NBAS: variants seen among roughly 807,000 people sequenced by gnomAD.
NBAS encodes the protein NAG/BC035112 fusion.
In NBAS, 219 loss-of-function variants were observed where a neutral mutation model predicts 302.5. That is an observed-to-expected ratio of 0.72 (90% CI 0.65 to 0.81). The LOEUF is 0.81. Ranked by LOEUF, NBAS falls within the 30% of genes least tolerant of loss-of-function variation. NBAS has a pLI of 0.00. For synonymous variants in NBAS, 1,118 were observed against 1,021.6 expected, an observed-to-expected ratio of 1.09 and a Z score of -1.80; for missense variants, 2,932 against 2,841.6, an observed-to-expected ratio of 1.03 and a Z score of -0.72.
At chr2:14,872,980 A>C in the NBAS span, among the ~76,000 whole-genome samples, 1 of 152,198 alleles carries the variant, frequency 6.6e-6, no homozygotes, top group South Asian at 2.1e-4. Context: ...AGACCCAGTG[A>C]GCAGCAGTAA....
At chr2:15,303,461 G>A (rs1472092687) in intron 40 of NBAS, among the ~76,000 whole-genome samples, 1 of 152,180 alleles carries the variant, frequency 6.6e-6, no homozygotes, top group African/African-American at 2.4e-5. Context: ...AGAACTGTAG[G>A]AACACAGAAG....
At chr2:14,900,623 A>G in the NBAS span, among the ~76,000 whole-genome samples, 1 of 152,206 alleles carries the variant, frequency 6.6e-6, no homozygotes, top group African/African-American at 2.4e-5. Flanking sequence ...TAACAACTCC[A>G]TTATGCCCAG....
chr2:15,263,874 G>A (rs936874193), intron 44 of NBAS, among the ~76,000 whole-genome samples: 9 of 152,158 alleles, frequency 5.9e-5, no homozygotes, highest in African/African-American at 1.2e-4. Context: ...GACATCCTGC[G>A]ATAGCTGCAA....
At chr2:15,427,619 A>C (rs1266046832) in intron 22 of NBAS, 92 bp downstream of exon 22, 2 of 1,042,732 alleles carry the variant, frequency 1.9e-6, no homozygotes, top group Non-Finnish European at 2.9e-6. Context: ...GTCATCAAGT[A>C]AGGTTTCATT....
the NBAS span, among the ~76,000 whole-genome samples, chr2:15,007,262 C>T: frequency 4.6e-5 from 7 of 152,294 alleles, no homozygotes; most frequent in South Asian, 1.2e-3. Context: ...CTTTTTTTCC[C>T]ACATAATGGG....
the NBAS span, among the ~76,000 whole-genome samples, chr2:15,147,620 A>G: frequency 6.6e-6 from 1 of 152,048 alleles, no homozygotes; most frequent in African/African-American, 2.4e-5. Flanking sequence ...AAAAATTAAA[A>G]AAAGAGATGT....
chr2:15,428,606 C>T (rs1319645682), intron 21 of NBAS, among the ~76,000 whole-genome samples: 2 of 151,952 alleles, frequency 1.3e-5, no homozygotes, highest in South Asian at 2.1e-4. Flanking sequence ...GGTGGCATGC[C>T]TGTCATCCCA....
At chr2:15,440,911 G>A (rs1678358522) in intron 21 of NBAS, among the ~76,000 whole-genome samples, 1 of 151,920 alleles carries the variant, frequency 6.6e-6, no homozygotes, top group Non-Finnish European at 1.5e-5. Flanking sequence ...TATCAGCGAT[G>A]GAAGATGAAA....
chr2:15,405,416 A>T (rs1037009251), intron 25 of NBAS, among the ~76,000 whole-genome samples: 7 of 152,174 alleles, frequency 4.6e-5, no homozygotes, highest in Non-Finnish European at 1.0e-4. Context: ...TAAGATGCCT[A>T]ACTTCATATA....
chr2:14,969,572 T>A, the NBAS span, among the ~76,000 whole-genome samples: 1 of 152,136 alleles, frequency 6.6e-6, no homozygotes, highest in Admixed American at 6.5e-5. Context: ...AGACGGGGTT[T>A]CACCATGTTG....
At chr2:14,904,284 C>T in the NBAS span, among the ~76,000 whole-genome samples, 2 of 152,202 alleles carry the variant, frequency 1.3e-5, no homozygotes, top group South Asian at 2.1e-4. Context: ...CCAGTAATGG[C>T]TCAGTCTGAG....
chr2:14,979,763 T>G, the NBAS span, among the ~76,000 whole-genome samples: 8 of 152,092 alleles, frequency 5.3e-5, no homozygotes, highest in Non-Finnish European at 1.2e-4. Context: ...TTACAATAAA[T>G]ACAGATAGGG....
the NBAS span, among the ~76,000 whole-genome samples, chr2:15,124,303 G>A: frequency 6.6e-6 from 1 of 152,180 alleles, no homozygotes; most frequent in Non-Finnish European, 1.5e-5. Context: ...TGTCCTAAGT[G>A]TTCAAGAAGT....
chr2:15,512,543 G>A (rs1312781089), intron 9 of NBAS, among the ~76,000 whole-genome samples: 1 of 152,162 alleles, frequency 6.6e-6, no homozygotes, highest in African/African-American at 2.4e-5. Context: ...TTGAACTTAG[G>A]GAGAGTATCC....
the NBAS span, among the ~76,000 whole-genome samples, chr2:14,791,020 TG>T: frequency 6.6e-6 from 1 of 152,110 alleles, no homozygotes; most frequent in Non-Finnish European, 1.5e-5. Context: ...TACGCCCAGC[TG>T]ATTTTGTATT....
At chr2:15,348,670 A>C (rs1673209135) in intron 35 of NBAS, among the ~76,000 whole-genome samples, 1 of 151,882 alleles carries the variant, frequency 6.6e-6, no homozygotes, top group African/African-American at 2.4e-5. Flanking sequence ...GCACCACATG[A>C]TGACTGAAAA....
At chr2:15,288,581 G>A (rs1670164159) in intron 41 of NBAS, among the ~76,000 whole-genome samples, 1 of 152,120 alleles carries the variant, frequency 6.6e-6, no homozygotes. Context: ...GAATGACATC[G>A]CCAGATTTGA....
intron 38 of NBAS, among the ~76,000 whole-genome samples, chr2:15,319,653 G>A (rs1025584734): frequency 6.6e-6 from 1 of 152,054 alleles, no homozygotes; most frequent in African/African-American, 2.4e-5. Flanking sequence ...TAGAAGAAAT[G>A]GATAAATTCC....
the NBAS span, among the ~76,000 whole-genome samples, chr2:14,952,548 C>G: frequency 6.6e-6 from 1 of 152,178 alleles, no homozygotes; most frequent in African/African-American, 2.4e-5. Context: ...TGTAAGAAAG[C>G]TACCTGACAT....
Sources: allele counts gnomAD v4.1 joint callset (sites outside exome capture counted in the v4.1 genomes callset), GRCh38; gene constraint gnomAD v4.1.1; transcripts MANE v1.5; gene names NCBI Gene and HGNC (gene_info 2026-07-23, HGNC 2026-07-21).